Variants in ESRRG observed in about 807,000 individuals in gnomAD.
ESRRG encodes the protein estrogen-related receptor gamma.
Under a neutral mutation model 44.0 loss-of-function variants are expected in ESRRG, and 13 were observed. The ratio of observed to expected loss-of-function variants is 0.30; its 90% confidence interval spans 0.19 to 0.47. The LOEUF is 0.47. ESRRG is among the 20% of genes least tolerant of loss of function. The pLI is 1.00. For missense variants in ESRRG, 395 were observed against 580.6 expected (o/e 0.68, Z 3.29); for synonymous variants, 215 against 214.6 (o/e 1.00, Z -0.02).
intron 1 of ESRRG, among the ~76,000 whole-genome samples, chr1:217,012,526 T>G (rs1279463984): frequency 1.3e-5 from 2 of 152,138 alleles, no homozygotes; most frequent in African/African-American, 4.8e-5. Context: ...GAGTTACTGA[T>G]AGCAAGAAAA....
Position 217,120,167 on chromosome 1 carries a change from T to A in ESRRG, c.-230+17500A>T, listed in dbSNP as rs555385977. 1.7e-3 allele frequency among the ~76,000 whole-genome samples: 263 copies of A among 152,198 alleles called. 1 individual carries two copies. The highest frequency in any genetic ancestry group is 6.1e-3 in the African/African-American group (253 of 41,512). ...CACATTTAAACTCTCTCCAAACTAA[T>A]TTTCTTCCAGGTTCCATGCCTCCAT... On this transcript the variant is annotated intron_variant, in intron 1 of 8. Transcript: ENST00000366940.
intron 1 of ESRRG, among the ~76,000 whole-genome samples, chr1:217,009,576 T>C (rs538985516): frequency 6.6e-6 from 1 of 152,360 alleles, no homozygotes; most frequent in South Asian, 2.1e-4. Flanking sequence ...TTGTCTATTG[T>C]TCATGGTGTT....
At chr1:216,556,674 A>C (rs989733053) in intron 5 of ESRRG, among the ~76,000 whole-genome samples, 4 of 152,120 alleles carry the variant, frequency 2.6e-5, no homozygotes, top group African/African-American at 9.7e-5. Flanking sequence ...GCCTCAAGTC[A>C]CATCTTCTTC....
chr1:216,518,333 T>C (rs1264751483), intron 6 of ESRRG, among the ~76,000 whole-genome samples: 4 of 152,080 alleles, frequency 2.6e-5, no homozygotes, highest in African/African-American at 9.7e-5. Flanking sequence ...AAGGGAAAAC[T>C]ACTGGCCGGC....
chr1:216,691,264 T>C (rs1197287189), intron 1 of ESRRG, among the ~76,000 whole-genome samples: 1 of 152,146 alleles, frequency 6.6e-6, no homozygotes, highest in Non-Finnish European at 1.5e-5. Context: ...TTTTTTAAAA[T>C]ATGGTTAAGC....
At chr1:217,040,735 C>T (rs565252566) in intron 1 of ESRRG, among the ~76,000 whole-genome samples, 14 of 152,140 alleles carry the variant, frequency 9.2e-5, no homozygotes, top group African/African-American at 3.1e-4. Context: ...GTAATTTGCC[C>T]AATAACACAC....
At chr1:216,787,118 G>A (rs557216261) in intron 2 of ESRRG, among the ~76,000 whole-genome samples, 11 of 151,954 alleles carry the variant, frequency 7.2e-5, no homozygotes, top group East Asian at 3.9e-4. Flanking sequence ...ATCTGTGATC[G>A]GTGATCGTTA....
At chr1:216,553,350 A>C (rs1430246965) in intron 5 of ESRRG, among the ~76,000 whole-genome samples, 1 of 152,134 alleles carries the variant, frequency 6.6e-6, no homozygotes, top group Non-Finnish European at 1.5e-5. Context: ...AGACACCCCT[A>C]GTGTTATGGT....
At chr1:216,614,445 C>A (rs549902254) in intron 3 of ESRRG, among the ~76,000 whole-genome samples, 160 of 152,158 alleles carry the variant, frequency 1.1e-3, no homozygotes, top group Non-Finnish European at 1.8e-3. Context: ...TTAGCTCCAA[C>A]ATGGTAGCTG....
chr1:216,972,891 T>A (rs1375304492), intron 1 of ESRRG, among the ~76,000 whole-genome samples: 1 of 152,146 alleles, frequency 6.6e-6, no homozygotes, highest in Non-Finnish European at 1.5e-5. Context: ...GAGATTAAGG[T>A]ATTTAAGGTA....
upstream of ESRRG, chr1:217,090,685 T>C (rs1370835065): frequency 1.3e-5 from 2 of 152,166 alleles, no homozygotes; most frequent in African/African-American, 2.4e-5. Context: ...AAACCCCTAG[T>C]TGAGAAACTC....
At chr1:216,575,454 G>A (rs1045042474) in intron 3 of ESRRG, among the ~76,000 whole-genome samples, 7 of 152,104 alleles carry the variant, frequency 4.6e-5, no homozygotes, top group African/African-American at 1.7e-4. Flanking sequence ...ATCAATTTGT[G>A]CATGAAGTAT....
chr1:217,054,499 G>T lies in ESRRG; in HGVS notation c.-106+35008C>A, dbSNP rs1192753877. Among the ~76,000 whole-genome samples the T allele has an allele frequency of 2.0e-5, 3 of 152,178 alleles. No homozygotes were observed. The East Asian group carries it at 5.8e-4, about 29-fold the overall frequency. Reference sequence around the variant, plus strand: ...CGACTCAAAAGAAAGGACAAAATATGTGTGACAATCTTCCTAGATGTTAGT... The same window carrying T: ...CGACTCAAAAGAAAGGACAAAATATTTGTGACAATCTTCCTAGATGTTAGT... On this transcript the variant is annotated intron_variant, in intron 1 of 7. Transcript: ENST00000359162.
Position 216,505,366 on chromosome 1 carries a change from C to G in ESRRG, c.*1573G>C, listed in dbSNP as rs1204872935. On this transcript the variant is annotated 3_prime_UTR_variant, in exon 7 of 7. Coordinates refer to ENST00000408911, the MANE Select transcript of ESRRG (RefSeq NM_001438.4). ...TTGGCTTAGCTCTTGGTAAAAACTG[C>G]AGATTAATTTAAACGAACATTCCTA... is the stretch of plus-strand genomic sequence containing the variant. 6.6e-6 allele frequency: 1 copy of G among 152,548 alleles called. No individual in the cohort carries two copies. The highest frequency in any genetic ancestry group is 1.9e-4 in the East Asian group (1 of 5,192). The allele number at this position is 152,548 out of a possible 1,614,324, so 9.4% of individuals were successfully genotyped here.
At chr1:217,119,661 G>C (rs968590823) in intron 1 of ESRRG, among the ~76,000 whole-genome samples, 1 of 152,154 alleles carries the variant, frequency 6.6e-6, no homozygotes, top group African/African-American at 2.4e-5. Flanking sequence ...ATTTACTTAG[G>C]AGAGAACATC....
chr1:216,839,411 A>G, intron 2 of ESRRG, among the ~76,000 whole-genome samples: 1 of 152,134 alleles, frequency 6.6e-6, no homozygotes, highest in East Asian at 1.9e-4. Context: ...AGTTCTTCCA[A>G]ACTCCTGTTA....
chr1:216,935,173 C>A (rs984158765), intron 2 of ESRRG, among the ~76,000 whole-genome samples: 1 of 152,100 alleles, frequency 6.6e-6, no homozygotes, highest in Non-Finnish European at 1.5e-5. Flanking sequence ...CCAGTGGTCA[C>A]CAACTGGGTG....
chr1:216,960,246 A>G (rs191665995), intron 1 of ESRRG, among the ~76,000 whole-genome samples: 1 of 152,270 alleles, frequency 6.6e-6, no homozygotes, highest in East Asian at 1.9e-4. Flanking sequence ...TGTATATCAT[A>G]TATGTAGGTT....
intron 2 of ESRRG, among the ~76,000 whole-genome samples, chr1:216,658,984 A>G (rs1007488083): frequency 8.5e-5 from 13 of 152,218 alleles, no homozygotes; most frequent in African/African-American, 3.1e-4. Flanking sequence ...CTACCATGTT[A>G]TTGGCTGTGT....
Sources: allele counts gnomAD v4.1 joint callset (sites outside exome capture counted in the v4.1 genomes callset), GRCh38; gene constraint gnomAD v4.1.1; transcripts MANE v1.5; gene names NCBI Gene and HGNC (gene_info 2026-07-23, HGNC 2026-07-21).